Variants in LMX1B observed in about 807,000 individuals in gnomAD.
LMX1B encodes LIM homeobox transcription factor 1 beta, also known as LIM homeobox transcription factor 1-beta.
A neutral mutation model predicts 51.4 loss-of-function variants in LMX1B; 12 were observed. That is an observed-to-expected ratio of 0.23 (90% confidence interval 0.15 to 0.38). The LOEUF (loss-of-function observed/expected upper bound fraction) is 0.38. Among genes scored for constraint, LMX1B ranks in the 10% least tolerant of loss-of-function variants. The pLI, the probability that LMX1B is intolerant of heterozygous loss-of-function variation, is 1.00. For synonymous variants in LMX1B, 237 were observed against 235.4 expected (o/e 1.01, Z -0.06); for missense variants, 445 against 571.1 (o/e 0.78, Z 2.25).
intron 2 of LMX1B, among the ~76,000 whole-genome samples, chr9:126,624,561 C>T (rs1186962491): frequency 6.6e-6 from 1 of 152,302 alleles, no homozygotes; most frequent in Non-Finnish European, 1.5e-5. Flanking sequence ...GGCAACCAGG[C>T]GGCCCGAAAG....
chr9:126,651,553 C>T (rs1836008746), intron 2 of LMX1B, among the ~76,000 whole-genome samples: 1 of 152,136 alleles, frequency 6.6e-6, no homozygotes, highest in South Asian at 2.1e-4. Flanking sequence ...CAACAACACA[C>T]ACACCTGAGA....
intron 2 of LMX1B, among the ~76,000 whole-genome samples, chr9:126,633,568 C>G (rs776581754): frequency 2.6e-4 from 40 of 152,126 alleles, no homozygotes; most frequent in Admixed American, 1.1e-3. Context: ...CCTGAAACCT[C>G]GGGACATGGG....
At chr9:126,621,096 AAAAAAT>A (rs1835402362) in intron 2 of LMX1B, among the ~76,000 whole-genome samples, 1 of 152,148 alleles carries the variant, frequency 6.6e-6, no homozygotes, top group African/African-American at 2.4e-5. Context: ...TGGAGTTTCT[AAAAAAT>A]AAAGAAAAGG....
rs372050211 is a variant in LMX1B at position 126,615,235 on chromosome 9, G to T, written c.140-148G>T. ...ACTAGCCGGGGCCGCCCGGCCCCTG[G>T]CGCGGCGGTCCGGGGAGCGCAGGCG... On this transcript the variant is annotated intron_variant, in intron 1 of 7. Coordinates refer to ENST00000373474, the MANE Select transcript of LMX1B (RefSeq NM_001174147.2). The surrounding 1 kb of genome is among the most constrained non-coding windows in gnomAD (Gnocchi z 6.0). 41 of 305,778 alleles carry T rather than the reference G, an allele frequency of 1.3e-4. No homozygotes were observed. The highest frequency in any genetic ancestry group is 1.1e-3 in the South Asian group (8 of 7,148). 18.9% of individuals were successfully genotyped at this position (305,778 alleles called of 1,614,324 possible). A position where few individuals can be genotyped will look rare whatever the true frequency, so the allele number is the denominator to read the frequency against.
intron 6 of LMX1B, among the ~76,000 whole-genome samples, chr9:126,694,117 G>GTGGC (rs2030246274): frequency 6.6e-6 from 1 of 152,194 alleles, no homozygotes; most frequent in South Asian, 2.1e-4. Context: ...AGATGGCAGA[G>GTGGC]TGGCTGCCTG....
intron 2 of LMX1B, among the ~76,000 whole-genome samples, chr9:126,667,493 C>G (rs1178283825): frequency 6.6e-6 from 1 of 152,244 alleles, no homozygotes; most frequent in Admixed American, 6.5e-5. Flanking sequence ...GGAGTATAAA[C>G]ACACTGGGCG....
chr9:126,685,713 GAGATCTTGACTC>G (rs1164575089), intron 2 of LMX1B, among the ~76,000 whole-genome samples: 3 of 152,178 alleles, frequency 2.0e-5, no homozygotes, highest in Non-Finnish European at 4.4e-5. Flanking sequence ...AGGAGGGTAG[GAGATCTTGACTC>G]AGCAAGGGTA....
chr9:126,660,061 T>TG (rs1412799743), intron 2 of LMX1B, among the ~76,000 whole-genome samples: 1 of 125,954 alleles, frequency 7.9e-6, no homozygotes, highest in African/African-American at 2.9e-5. Context: ...TTGTCCTGCG[T>TG]GGGGGTGTCT....
At chr9:126,661,135 A>G (rs1031215719) in intron 2 of LMX1B, among the ~76,000 whole-genome samples, 3 of 152,218 alleles carry the variant, frequency 2.0e-5, no homozygotes, top group African/African-American at 7.2e-5. Flanking sequence ...GCCCATACAC[A>G]GGACAACCTC....
chr9:126,631,091 C>G (rs1029267025), intron 2 of LMX1B, among the ~76,000 whole-genome samples: 2 of 152,336 alleles, frequency 1.3e-5, no homozygotes, highest in East Asian at 1.9e-4. Context: ...CAGTGGCCCC[C>G]CTGTGGGATG....
At chr9:126,655,543 G>A (rs948983427) in intron 2 of LMX1B, among the ~76,000 whole-genome samples, 1 of 152,200 alleles carries the variant, frequency 6.6e-6, no homozygotes, top group Non-Finnish European at 1.5e-5. Flanking sequence ...AAGCAGCAAG[G>A]AGGGAGAGGT....
intron 3 of LMX1B, among the ~76,000 whole-genome samples, 170 bp downstream of exon 3, chr9:126,691,238 C>T (rs1342763441): frequency 6.6e-6 from 1 of 152,254 alleles, no homozygotes; most frequent in East Asian, 1.9e-4. Context: ...CACCTGTGTG[C>T]ACATGATACG....
intron 2 of LMX1B, among the ~76,000 whole-genome samples, chr9:126,628,504 C>T (rs1345963384): frequency 6.6e-6 from 1 of 152,220 alleles, no homozygotes; most frequent in Admixed American, 6.5e-5. Flanking sequence ...CAGGTCTCAG[C>T]TGGGTTCAGG....
At chr9:126,663,439 G>GA (rs954421955) in intron 2 of LMX1B, among the ~76,000 whole-genome samples, 20 of 140,486 alleles carry the variant, frequency 1.4e-4, no homozygotes, top group East Asian at 2.1e-4. Context: ...AAAAAAAAAA[G>GA]AAAAAAAAAA....
rs766539424 is a variant in LMX1B at position 126,696,498 on chromosome 9, T to G, written c.*47T>G. 1 of 1,608,150 alleles carries G rather than the reference T, an allele frequency of 6.2e-7. No homozygotes were observed. The highest frequency in any genetic ancestry group is 8.5e-7 in the Non-Finnish European group (1 of 1,175,720). The stretch of plus-strand genomic sequence containing the variant: ...GCTTGGGCAGGGGCCTGGGGGGGAC[T>G]GCCAGCCTCTGCGGCCAGCCTGGCC... On this transcript the variant is annotated 3_prime_UTR_variant, in exon 8 of 8. Transcript: ENST00000373474.
chr9:126,654,602 A>T (rs76602951), intron 2 of LMX1B, among the ~76,000 whole-genome samples: 1 of 152,306 alleles, frequency 6.6e-6, no homozygotes, highest in East Asian at 1.9e-4. Flanking sequence ...CCCAAACTGT[A>T]GCCACACATC....
At chr9:126,643,183 C>T (rs117323345) in intron 2 of LMX1B, among the ~76,000 whole-genome samples, 9 of 152,250 alleles carry the variant, frequency 5.9e-5, no homozygotes, top group Non-Finnish European at 1.2e-4. Context: ...GGGGGCAGTT[C>T]TCCAGGTAGC....
intron 2 of LMX1B, among the ~76,000 whole-genome samples, chr9:126,686,333 C>T (rs1280340201): frequency 6.6e-6 from 1 of 151,354 alleles, no homozygotes; most frequent in Non-Finnish European, 1.5e-5. Context: ...TTCAAATGCT[C>T]CTGAAAAAAT....
intron 2 of LMX1B, among the ~76,000 whole-genome samples, chr9:126,634,306 C>T (rs1291701715): frequency 6.6e-6 from 1 of 152,108 alleles, no homozygotes; most frequent in African/African-American, 2.4e-5. Context: ...GTGACGGGGT[C>T]GCCATGGAGA....
Sources: allele counts gnomAD v4.1 joint callset (sites outside exome capture counted in the v4.1 genomes callset), GRCh38; gene constraint gnomAD v4.1.1; non-coding constraint Gnocchi (gnomAD v3.1); transcripts MANE v1.5; gene names NCBI Gene and HGNC (gene_info 2026-07-23, HGNC 2026-07-21).